The following SHANK2 variants were observed in gnomAD, a reference collection of about 807,000 sequenced individuals.
The protein encoded by SHANK2 is SH3 and multiple ankyrin repeat domains protein 2.
In SHANK2, 43 loss-of-function variants were observed where a neutral mutation model predicts 133.7. The ratio of observed to expected loss-of-function variants is 0.32; its 90% confidence interval spans 0.25 to 0.41. SHANK2 has a LOEUF of 0.41. SHANK2 is among the 10% of genes least tolerant of loss of function. The pLI, the probability that SHANK2 is intolerant of heterozygous loss-of-function variation, is 1.00. For missense variants in SHANK2, 1,994 were observed against 2,235.8 expected, an observed-to-expected ratio of 0.89 and a Z score of 2.18; for synonymous variants, 1,017 against 952.8, an observed-to-expected ratio of 1.07 and a Z score of -1.24.
chr11:71,112,835 G>T (rs1414352331), intron 5 of SHANK2, among the ~76,000 whole-genome samples: 3 of 136,596 alleles, frequency 2.2e-5, no homozygotes, highest in Non-Finnish European at 4.9e-5. Context: ...ATTCCGCCAG[G>T]TTCTGAACAC....
intron 9 of SHANK2, among the ~76,000 whole-genome samples, chr11:71,074,141 T>C (rs1386390709): frequency 6.6e-6 from 1 of 152,160 alleles, no homozygotes; most frequent in Non-Finnish European, 1.5e-5. Flanking sequence ...CAGTTCCCAC[T>C]GAGGCAGCAG....
rs151211962 is a variant in SHANK2, at chr11:70,704,573, G to A, written c.1778-5810C>T. ...TAAGGACAGGTGGCTTTTTTTCTGA[G>A]ATGTTCTGTAGTCTGACTGCTGAGA... On this transcript the variant is annotated intron_variant, in intron 14 of 25. Transcript: ENST00000601538. Among the ~76,000 whole-genome samples, 161 of 152,316 alleles carry A rather than the reference G, an allele frequency of 1.1e-3. 1 individual carries two copies. The highest frequency in any genetic ancestry group is 1.6e-3 in the Non-Finnish European group (108 of 68,030).
At chr11:70,588,437 G>C (rs2060281584) in intron 17 of SHANK2, among the ~76,000 whole-genome samples, 1 of 152,160 alleles carries the variant, frequency 6.6e-6, no homozygotes, top group Non-Finnish European at 1.5e-5. Flanking sequence ...GCTCTTGAAA[G>C]AAATTAAAAG....
chr11:70,647,310 C>T (rs543198968), intron 17 of SHANK2: 1 of 152,370 alleles, frequency 6.6e-6, no homozygotes, highest in East Asian at 1.9e-4. Flanking sequence ...CCTAAGCTCC[C>T]TCTGTTTCTT....
intron 14 of SHANK2, among the ~76,000 whole-genome samples, chr11:70,706,260 G>C (rs946250494): frequency 3.9e-5 from 6 of 152,232 alleles, no homozygotes; most frequent in African/African-American, 1.4e-4. Context: ...TCACTGCAAT[G>C]CTAGCTCTCC....
chr11:70,951,765 C>T (rs1950848452), intron 10 of SHANK2, among the ~76,000 whole-genome samples: 1 of 152,202 alleles, frequency 6.6e-6, no homozygotes, highest in South Asian at 2.1e-4. Context: ...CAGGGCTGCC[C>T]ACCCCCACCC....
chr11:70,855,887 A>G (rs1367671685), intron 11 of SHANK2, among the ~76,000 whole-genome samples: 6 of 152,126 alleles, frequency 3.9e-5, no homozygotes, highest in African/African-American at 1.4e-4. Context: ...TAATGAATGG[A>G]TAGATGGATG....
At chr11:70,641,707 G>A (rs1458001421) in intron 17 of SHANK2, among the ~76,000 whole-genome samples, 9 of 152,214 alleles carry the variant, frequency 5.9e-5, no homozygotes, top group East Asian at 1.9e-4. Context: ...CTGCCTGCCC[G>A]ACTTGAGAGG....
chr11:70,934,951 G>C (rs2135816847), intron 10 of SHANK2, among the ~76,000 whole-genome samples: 1 of 152,352 alleles, frequency 6.6e-6, no homozygotes, highest in Non-Finnish European at 1.5e-5. Flanking sequence ...CATTCACGGA[G>C]AGAAGGGACG....
At chr11:70,512,944 T>C (rs1591523519) in intron 17 of SHANK2, among the ~76,000 whole-genome samples, 1 of 152,078 alleles carries the variant, frequency 6.6e-6, no homozygotes, top group African/African-American at 2.4e-5. Context: ...AAATTTGAGG[T>C]TGGGGAATAA....
At chr11:70,742,936 C>T (rs372032003) in intron 14 of SHANK2, among the ~76,000 whole-genome samples, 4 of 152,340 alleles carry the variant, frequency 2.6e-5, no homozygotes, top group East Asian at 3.9e-4. Flanking sequence ...TTTGATGAGC[C>T]GGCTCCTGGC....
intron 14 of SHANK2, among the ~76,000 whole-genome samples, chr11:70,783,182 C>T (rs931998117): frequency 5.9e-5 from 9 of 152,144 alleles, no homozygotes; most frequent in Non-Finnish European, 1.2e-4. Flanking sequence ...CCTCCAGAAC[C>T]AGCATTTTAG....
At position 70,887,966 on chromosome 11, in the gene SHANK2, A is replaced by G. The variant is rs112952603; in HGVS notation, c.1174+8535T>C. 6.4e-3 allele frequency among the ~76,000 whole-genome samples: 972 copies of G among 152,312 alleles called. 13 individuals are homozygous for G. Among genetic ancestry groups the G allele is most frequent in the African/African-American group, 0.023 (940 of 41,576 alleles). On this transcript the variant is annotated intron_variant, in intron 11 of 25. Transcript: ENST00000601538. Reference sequence around the variant, plus strand: ...GAGCCAACAGCCTCAGGCTTAAGGGACAGGCCTCGCTTCATCCATATGTCT... The same window carrying G: ...GAGCCAACAGCCTCAGGCTTAAGGGGCAGGCCTCGCTTCATCCATATGTCT...
chr11:70,592,114 CA>C, intron 17 of SHANK2, among the ~76,000 whole-genome samples: 1 of 152,182 alleles, frequency 6.6e-6, no homozygotes, highest in African/African-American at 2.4e-5. Flanking sequence ...ACAGGGCATG[CA>C]GGAAGCCCAG....
At chr11:70,827,109 TTCC>T (rs1565345535) in intron 11 of SHANK2, among the ~76,000 whole-genome samples, 1 of 152,154 alleles carries the variant, frequency 6.6e-6, no homozygotes, top group Admixed American at 6.5e-5. Context: ...CAGACCCACG[TTCC>T]CCGGGCAGAC....
In SHANK2 at chr11:70,739,568, G is replaced by T. The variant is rs1946478219; in HGVS notation, c.1778-40805C>A. On this transcript the variant is annotated intron_variant, in intron 14 of 25. Coordinates refer to ENST00000601538, the MANE Select transcript of SHANK2 (RefSeq NM_012309.5). This position sits in a 1 kb window ranked among gnomAD's most constrained non-coding sequence, Gnocchi z 4.3. ...TGGGCTCCACCAGATCATGTGATTT[G>T]TCTTGTTCTGGTTTCAGATTCTGAG... Among the ~76,000 whole-genome samples the T allele has an allele frequency of 6.6e-6, 1 of 152,126 alleles. No homozygotes were observed. The highest frequency in any genetic ancestry group is 1.5e-5 in the Non-Finnish European group (1 of 68,044).
At chr11:71,114,552 A>G (rs1951944680) in intron 4 of SHANK2, among the ~76,000 whole-genome samples, 1 of 152,330 alleles carries the variant, frequency 6.6e-6, no homozygotes, top group East Asian at 1.9e-4. Context: ...TGGCCAAATA[A>G]ACCAGCTGTG....
intron 17 of SHANK2, among the ~76,000 whole-genome samples, chr11:70,649,031 G>C (rs781984848): frequency 1.3e-5 from 2 of 152,180 alleles, no homozygotes; most frequent in Non-Finnish European, 2.9e-5. Flanking sequence ...AGTGTCTGGG[G>C]ACAGGAGGGG....
intron 2 of SHANK2, among the ~76,000 whole-genome samples, chr11:71,176,436 A>T (rs905713377): frequency 6.6e-6 from 1 of 152,240 alleles, no homozygotes; most frequent in Non-Finnish European, 1.5e-5. Context: ...GTAAGCAAAA[A>T]TACCAATGTT....
Sources: gnomAD v4.1 joint callset for allele counts (sites outside exome capture counted in the v4.1 genomes callset) on GRCh38, gnomAD v4.1.1 for gene constraint, Gnocchi (gnomAD v3.1) non-coding constraint, MANE v1.5 for transcripts, NCBI Gene and HGNC (gene_info 2026-07-23, HGNC 2026-07-21) for gene names.